MED13L: variants seen among roughly 807,000 people sequenced by gnomAD.
MED13L encodes the protein mediator of RNA polymerase II transcription subunit 13-like.
Under a neutral mutation model 220.9 loss-of-function variants are expected in MED13L, and 7 were observed. The ratio of observed to expected loss-of-function variants is 0.03; its 90% CI spans 0.02 to 0.06. MED13L has a LOEUF of 0.06. Among genes scored for constraint, MED13L ranks in the 10% least tolerant of loss-of-function variants. The pLI, the probability that MED13L is intolerant of heterozygous loss-of-function variation, is 1.00. For synonymous variants in MED13L, 1,011 were observed against 1,015.2 expected (o/e 1.00, Z 0.08); for missense variants, 1,965 against 2,760.5 (o/e 0.71, Z 6.46).
At chr12:115,975,961 TTATTAAAAGAAATTAC>T (rs1876909890) in intron 23 of MED13L, among the ~76,000 whole-genome samples, 2 of 152,180 alleles carry the variant, frequency 1.3e-5, no homozygotes, top group Admixed American at 6.5e-5. Flanking sequence ...CAGTATTTCC[TTATTAAAAGAAATTAC>T]TATTTTAGAA....
intron 5 of MED13L, among the ~76,000 whole-genome samples, chr12:116,021,249 C>A (rs1028862711): frequency 2.0e-5 from 3 of 152,074 alleles, no homozygotes; most frequent in Non-Finnish European, 4.4e-5. Flanking sequence ...ACCTGGTATT[C>A]CTAATATTAT....
chr12:116,248,141 C>T (rs1292514569), intron 1 of MED13L, among the ~76,000 whole-genome samples: 5 of 151,980 alleles, frequency 3.3e-5, no homozygotes, highest in Admixed American at 3.3e-4. Flanking sequence ...AACACGGCAA[C>T]AAGAATAAAA....
At chr12:116,097,228 C>T (rs1023502422) in intron 3 of MED13L, among the ~76,000 whole-genome samples, 4 of 152,098 alleles carry the variant, frequency 2.6e-5, no homozygotes, top group African/African-American at 9.7e-5. Flanking sequence ...TCACTGCAGC[C>T]GCCACCCCCC....
chr12:116,144,389 C>T (rs759557287), intron 2 of MED13L, among the ~76,000 whole-genome samples: 3 of 152,150 alleles, frequency 2.0e-5, no homozygotes, highest in Non-Finnish European at 2.9e-5. Context: ...AACTGAGATC[C>T]CATTTCTGAA....
At chr12:116,065,719 G>A (rs1402236905) in intron 4 of MED13L, among the ~76,000 whole-genome samples, 1 of 152,208 alleles carries the variant, frequency 6.6e-6, no homozygotes, top group Non-Finnish European at 1.5e-5. Context: ...AGTCAAAGAA[G>A]TCTTCTACTT....
At chr12:116,177,268 T>G (rs1184931073) in intron 2 of MED13L, among the ~76,000 whole-genome samples, 1 of 152,192 alleles carries the variant, frequency 6.6e-6, no homozygotes, top group Non-Finnish European at 1.5e-5. Context: ...CTGACTTCTA[T>G]TATCGTAAGT....
At chr12:116,116,664 A>G (rs1874549211) in intron 2 of MED13L, among the ~76,000 whole-genome samples, 1 of 151,908 alleles carries the variant, frequency 6.6e-6, no homozygotes, top group African/African-American at 2.4e-5. Flanking sequence ...TGGCATCTGA[A>G]GTCCCACAGT....
intron 9 of MED13L, among the ~76,000 whole-genome samples, chr12:116,009,988 G>A (rs1383648540): frequency 6.6e-6 from 1 of 152,194 alleles, no homozygotes; most frequent in Non-Finnish European, 1.5e-5. Context: ...TGCCGGTGTA[G>A]TAGTAACTCT....
intron 2 of MED13L, among the ~76,000 whole-genome samples, chr12:116,196,380 CAAA>C (rs879671602): frequency 7.3e-6 from 1 of 136,708 alleles, no homozygotes. Context: ...GTGCAATTAA[CAAA>C]AAAAAAAAAA....
intron 23 of MED13L, among the ~76,000 whole-genome samples, chr12:115,978,622 C>T (rs959816127): frequency 6.6e-6 from 1 of 152,040 alleles, no homozygotes; most frequent in Admixed American, 6.5e-5. Flanking sequence ...CCACCGCGCC[C>T]GGCCTGAACT....
chr12:116,241,968 T>G (rs1283877702), intron 1 of MED13L, among the ~76,000 whole-genome samples: 6 of 151,982 alleles, frequency 3.9e-5, no homozygotes, highest in Admixed American at 3.9e-4. Context: ...TGGATGTTTA[T>G]TCAATTAAGA....
At chr12:116,029,800 A>G (rs544246344) in intron 4 of MED13L, among the ~76,000 whole-genome samples, 1 of 152,318 alleles carries the variant, frequency 6.6e-6, no homozygotes, top group East Asian at 1.9e-4. Flanking sequence ...AAATATTTTA[A>G]CATGTTTTCT....
chr12:116,133,025 G>GA (rs1417528553), intron 2 of MED13L, among the ~76,000 whole-genome samples: 1 of 152,082 alleles, frequency 6.6e-6, no homozygotes, highest in Non-Finnish European at 1.5e-5. Context: ...CCCTTGTTAG[G>GA]AAAAAATAAA....
intron 2 of MED13L, among the ~76,000 whole-genome samples, chr12:116,133,860 C>A (rs1389375500): frequency 6.6e-6 from 1 of 152,134 alleles, no homozygotes; most frequent in Non-Finnish European, 1.5e-5. Flanking sequence ...CACGGAGCAG[C>A]CACATGTAGT....
intron 4 of MED13L, among the ~76,000 whole-genome samples, chr12:116,048,384 G>A (rs552717466): frequency 1.3e-5 from 2 of 152,246 alleles, no homozygotes; most frequent in Non-Finnish European, 2.9e-5. Context: ...CTGTAAACCT[G>A]CACATCATAC....
chr12:116,024,902 C>G (rs548721415), intron 4 of MED13L, among the ~76,000 whole-genome samples: 2 of 151,348 alleles, frequency 1.3e-5, no homozygotes, highest in African/African-American at 4.9e-5. Context: ...CTAGTATGTG[C>G]TCTTGGCACC....
chr12:116,234,254 G>C (rs557130224), intron 2 of MED13L, among the ~76,000 whole-genome samples: 8 of 150,410 alleles, frequency 5.3e-5, no homozygotes, highest in Non-Finnish European at 8.9e-5. Context: ...TATTGAGATG[G>C]AGTCTTGCTG....
Position 115,986,397 on chromosome 12 carries a change from A to G in MED13L, c.4207T>C (p.Phe1403Leu), listed in dbSNP as rs909616498. The change falls in exon 19 of 31, where the codon TTT (phenylalanine) becomes CTT (leucine). Residue 1403 changes from phenylalanine (F) to leucine (L), a missense_variant. Physicochemically the swap from Phe to Leu is conservative, Grantham distance 22. Around this residue, in one of 10 missense-constraint regions of MED13L, gnomAD observed 510 missense variants for 620.4 expected, o/e 0.82. Coordinates refer to ENST00000281928, the MANE Select transcript of MED13L (RefSeq NM_015335.5). Reference protein sequence around the residue: ...FLTISPFSLPFWERLLLDPYG... With the variant: ...FLTISPFSLPLWERLLLDPYG... ...GGGTCCAACAAGAGCCTCTCCCAAA[A>G]CGGCAAGGAGAATGGCGAGATGGTG... 1 of 1,614,096 alleles carries G rather than the reference A, an allele frequency of 6.2e-7. No homozygotes were observed. The highest frequency in any genetic ancestry group is 8.5e-7 in the Non-Finnish European group (1 of 1,180,004).
intron 2 of MED13L, among the ~76,000 whole-genome samples, chr12:116,193,162 T>A (rs1229046512): frequency 1.3e-5 from 2 of 151,672 alleles, no homozygotes; most frequent in East Asian, 3.9e-4. Context: ...AAAACAAAAA[T>A]TAGGCAGGCA....
Sources: allele counts gnomAD v4.1 joint callset (sites outside exome capture counted in the v4.1 genomes callset), GRCh38; gene constraint gnomAD v4.1.1; regional missense constraint gnomAD v4.1.1; transcripts MANE v1.5; gene names NCBI Gene and HGNC (gene_info 2026-07-23, HGNC 2026-07-21).